PDE3A: variants seen among roughly 807,000 people sequenced by gnomAD.
The protein encoded by PDE3A is phosphodiesterase 3A, also known as cGMP-inhibited 3',5'-cyclic phosphodiesterase 3A.
PDE3A carries 43 observed loss-of-function variants against 98.3 expected under a neutral mutation model. The observed-to-expected ratio is 0.44, with a 90% CI of 0.34 to 0.56. The LOEUF (loss-of-function observed/expected upper bound fraction) is 0.56. PDE3A is among the 20% of genes least tolerant of loss of function. The pLI, the probability that PDE3A is intolerant of heterozygous loss-of-function variation, is 0.01. For synonymous variants in PDE3A, 663 were observed against 567.9 expected, an observed-to-expected ratio of 1.17 and a Z score of -2.38; for missense variants, 1,427 against 1,440.7, an observed-to-expected ratio of 0.99 and a Z score of 0.15.
At chr12:20,657,295 C>T (rs1263253384) in intron 15 of PDE3A, among the ~76,000 whole-genome samples, 1 of 152,072 alleles carries the variant, frequency 6.6e-6, no homozygotes, top group South Asian at 2.1e-4. Context: ...GTTGTAGAAC[C>T]AGAAAGGGAA....
chr12:20,373,245 C>CT (rs943465913), intron 1 of PDE3A, among the ~76,000 whole-genome samples: 2 of 151,972 alleles, frequency 1.3e-5, no homozygotes, highest in African/African-American at 2.4e-5. Context: ...TGTCAAACTA[C>CT]TTTTTTGGCT....
In PDE3A at chr12:20,639,837, C is replaced by G. The variant is rs200007327; in HGVS notation, c.2140-9C>G. The G allele has an allele frequency of 1.6e-6, 2 of 1,283,526 alleles. No homozygotes were observed. The highest frequency in any genetic ancestry group is 2.9e-5 in the African/African-American group (2 of 68,496). 79.5% of individuals were successfully genotyped at this position (1,283,526 alleles called of 1,614,324 possible). On this transcript the variant is annotated splice_polypyrimidine_tract_variant and intron_variant, in intron 9 of 15. Coordinates refer to ENST00000359062, the MANE Select transcript of PDE3A (RefSeq NM_000921.5). ...GGGATGTTTCATAAGGCTTTGTCTT[C>G]TTTTACAGGTATCTTACAGACTTTT...
At chr12:20,625,086 G>C (rs1944229615) in intron 5 of PDE3A, among the ~76,000 whole-genome samples, 1 of 152,168 alleles carries the variant, frequency 6.6e-6, no homozygotes. Flanking sequence ...AATGAAATCT[G>C]TTCTTTGCGC....
At chr12:20,540,679 A>T (rs1209722091) in intron 1 of PDE3A, among the ~76,000 whole-genome samples, 1 of 152,044 alleles carries the variant, frequency 6.6e-6, no homozygotes, top group East Asian at 1.9e-4. Flanking sequence ...GGAGAAATTT[A>T]AGAATTAGAA....
At chr12:20,407,680 T>G (rs1386501840) in intron 1 of PDE3A, among the ~76,000 whole-genome samples, 1 of 152,178 alleles carries the variant, frequency 6.6e-6, no homozygotes, top group African/African-American at 2.4e-5. Flanking sequence ...CTTATTAAAT[T>G]TTTAAGTGAT....
At chr12:20,567,443 G>A (rs892951335) in intron 2 of PDE3A, among the ~76,000 whole-genome samples, 2 of 151,928 alleles carry the variant, frequency 1.3e-5, no homozygotes, top group African/African-American at 4.8e-5. Flanking sequence ...AACTTTTAAT[G>A]TCCATGATAC....
In PDE3A at chr12:20,672,343, A is replaced by T. The variant is rs957999412; in HGVS notation, c.3185-7687A>T. 2.3e-5 allele frequency among the ~76,000 whole-genome samples: 3 copies of T among 130,684 alleles called. No homozygotes were observed. The South Asian group carries it at 8.5e-4, about 37-fold the overall frequency. The allele number at this position is 130,684 out of a possible 152,430, so 85.7% of individuals were successfully genotyped here. Reference sequence around the variant, plus strand: ...GCCTTTCTTCACAGAATTGGAAAAAACTACTTTAAAGTTCATATGGAACCA... The same window carrying T: ...GCCTTTCTTCACAGAATTGGAAAAATCTACTTTAAAGTTCATATGGAACCA... On this transcript the variant is annotated intron_variant, in intron 15 of 15. Transcript: ENST00000359062.
intron 1 of PDE3A, among the ~76,000 whole-genome samples, chr12:20,394,958 T>G (rs1943981780): frequency 6.6e-6 from 1 of 152,052 alleles, no homozygotes; most frequent in Non-Finnish European, 1.5e-5. Flanking sequence ...TTGAGATATA[T>G]CTTAGATTAT....
At position 20,412,807 on chromosome 12, in the gene PDE3A, A is replaced by G. The variant is rs145403588; in HGVS notation, c.960+42563A>G. On this transcript the variant is annotated intron_variant, in intron 1 of 15. Transcript: ENST00000359062. ...GATTTTTAGCCATCTTTTTCCTCCA[A>G]CTCAGGTAGATAGGATTTACCAGCT... 1.2e-3 allele frequency among the ~76,000 whole-genome samples: 181 copies of G among 152,318 alleles called. 3 individuals carry two copies. Among genetic ancestry groups the G allele is most frequent in the South Asian group, 0.011 (52 of 4,828 alleles).
chr12:20,406,148 G>T (rs1489605961), intron 1 of PDE3A, among the ~76,000 whole-genome samples: 1 of 152,162 alleles, frequency 6.6e-6, no homozygotes, highest in Admixed American at 6.5e-5. Context: ...TGAACACTTA[G>T]GTTGTTTCAA....
chr12:20,485,601 AGAAAATG>A (rs1945713315), intron 1 of PDE3A, among the ~76,000 whole-genome samples: 1 of 152,190 alleles, frequency 6.6e-6, no homozygotes, highest in East Asian at 1.9e-4. Flanking sequence ...TTATTTAGTA[AGAAAATG>A]GACTGAGATT....
At position 20,552,859 on chromosome 12, in the gene PDE3A, T is replaced by G; in HGVS notation, c.961-3801T>G. On this transcript the variant is annotated intron_variant, in intron 1 of 15. Coordinates refer to ENST00000359062, the MANE Select transcript of PDE3A (RefSeq NM_000921.5). This position sits in a 1 kb window ranked among gnomAD's most constrained non-coding sequence, Gnocchi z 5.1. ...CACGACCGTGTGCCAGCACAACGTG[T>G]GCAAGGACTGCCTGGACAGATCCTT... 4 of 1,613,874 alleles carry G rather than the reference T, an allele frequency of 2.5e-6. No homozygotes were observed. The highest frequency in any genetic ancestry group is 4.5e-5 in the East Asian group (2 of 44,854).
At chr12:20,641,189 A>G (rs2121513987) in intron 10 of PDE3A, among the ~76,000 whole-genome samples, 1 of 152,282 alleles carries the variant, frequency 6.6e-6, no homozygotes, top group Non-Finnish European at 1.5e-5. Context: ...GAAAAACTGA[A>G]TCTACAAGTG....
chr12:20,653,316 A>C lies in PDE3A; in HGVS notation c.2926-631A>C, dbSNP rs1001496885. 2.6e-5 allele frequency among the ~76,000 whole-genome samples: 4 copies of C among 152,316 alleles called. 1 individual carries two copies. Among genetic ancestry groups the C allele is most frequent in the East Asian group, 1.9e-4 (1 of 5,186 alleles). ...TTAAAGCTTTCTGGAAGCCAAAGCA[A>C]AAAAAGGAAAATAGGCTACATTTAT... is the stretch of plus-strand genomic sequence containing the variant. On this transcript the variant is annotated intron_variant, in intron 14 of 15. Transcript: ENST00000359062.
chr12:20,526,325 G>A (rs1174779478), intron 1 of PDE3A, among the ~76,000 whole-genome samples: 1 of 152,108 alleles, frequency 6.6e-6, no homozygotes, highest in African/African-American at 2.4e-5. Flanking sequence ...TATTTTAAAT[G>A]AGCCAGCAAT....
intron 1 of PDE3A, among the ~76,000 whole-genome samples, chr12:20,446,661 C>T (rs1056825514): frequency 2.0e-5 from 3 of 152,106 alleles, no homozygotes; most frequent in Non-Finnish European, 4.4e-5. Context: ...TTTAGAATTC[C>T]AGTTAACAAT....
chr12:20,539,891 AG>A (rs1941850033), intron 1 of PDE3A, among the ~76,000 whole-genome samples: 1 of 62,058 alleles, frequency 1.6e-5, no homozygotes, highest in African/African-American at 6.1e-5. Context: ...TACGTGAAGT[AG>A]GTAGTCTTAT....
rs527553453 is a variant in PDE3A at position 20,553,053 on chromosome 12, C to G, written c.961-3607C>G. ...GACAGGCGTTTTGCTGAAAACGTGT[C>G]GGAGGGCTCGTTCATCGGCACTGAT... On this transcript the variant is annotated intron_variant, in intron 1 of 15. Coordinates refer to ENST00000359062, the MANE Select transcript of PDE3A (RefSeq NM_000921.5). 5 of 1,227,482 alleles carry G rather than the reference C, an allele frequency of 4.1e-6. No individual in the cohort carries two copies. In the African/African-American group the frequency reaches 6.0e-5, roughly 15 times the overall value. 76.0% of individuals were successfully genotyped at this position (1,227,482 alleles called of 1,614,324 possible). A position where few individuals can be genotyped will look rare whatever the true frequency, so the allele number is the denominator to read the frequency against.
chr12:20,414,549 G>A (rs1944389557), intron 1 of PDE3A, among the ~76,000 whole-genome samples: 1 of 152,136 alleles, frequency 6.6e-6, no homozygotes, highest in Non-Finnish European at 1.5e-5. Context: ...ATATTGCGAA[G>A]GTGTCAAAAA....
Sources: gnomAD v4.1 joint callset for allele counts (sites outside exome capture counted in the v4.1 genomes callset) on GRCh38, gnomAD v4.1.1 for gene constraint, Gnocchi (gnomAD v3.1) non-coding constraint, MANE v1.5 for transcripts, NCBI Gene and HGNC (gene_info 2026-07-23, HGNC 2026-07-21) for gene names.